Variants in PRKCE observed in about 807,000 individuals in gnomAD.
The protein encoded by PRKCE is protein kinase C epsilon type.
A neutral mutation model predicts 85.4 loss-of-function variants in PRKCE; 16 were observed. The observed-to-expected ratio is 0.19, with a 90% confidence interval of 0.13 to 0.28. PRKCE has a LOEUF of 0.28. PRKCE is among the 10% of genes least tolerant of loss of function. PRKCE has a pLI of 1.00. For missense variants in PRKCE, 573 were observed against 975.2 expected (o/e 0.59, Z 5.49); for synonymous variants, 388 against 371.5 (o/e 1.04, Z -0.51).
At chr2:45,809,602 G>A (rs1353975920) in intron 1 of PRKCE, among the ~76,000 whole-genome samples, 3 of 151,958 alleles carry the variant, frequency 2.0e-5, no homozygotes, top group Non-Finnish European at 2.9e-5. Flanking sequence ...GTCTGGGTAC[G>A]GTCGGGCACG....
At chr2:45,799,082 C>T (rs1321417065) in intron 1 of PRKCE, among the ~76,000 whole-genome samples, 4 of 151,460 alleles carry the variant, frequency 2.6e-5, no homozygotes, top group Non-Finnish European at 4.4e-5. Flanking sequence ...AAGAGAATGG[C>T]GTGAACCAGG....
chr2:45,708,508 A>T (rs1331535087), intron 1 of PRKCE, among the ~76,000 whole-genome samples: 1 of 152,166 alleles, frequency 6.6e-6, no homozygotes, highest in African/African-American at 2.4e-5. Context: ...GTTTCCCTGC[A>T]CAAGCTCTCT....
intron 13 of PRKCE, among the ~76,000 whole-genome samples, chr2:46,156,965 T>A (rs1677270860): frequency 6.6e-6 from 1 of 152,216 alleles, no homozygotes; most frequent in Non-Finnish European, 1.5e-5. Context: ...TTCTTATTTC[T>A]TTTTCTGTGT....
chr2:46,101,590 C>T (rs1244121473), intron 11 of PRKCE, among the ~76,000 whole-genome samples: 1 of 152,202 alleles, frequency 6.6e-6, no homozygotes, highest in Non-Finnish European at 1.5e-5. Context: ...GAATGACTGT[C>T]AAAGCCCTGT....
intron 14 of PRKCE, among the ~76,000 whole-genome samples, chr2:46,181,083 C>G (rs1159999939): frequency 1.3e-5 from 2 of 152,176 alleles, no homozygotes; most frequent in African/African-American, 4.8e-5. Flanking sequence ...TCTCTGAGAG[C>G]CTGCCCCTCA....
At chr2:45,809,954 G>C (rs1266922779) in intron 1 of PRKCE, among the ~76,000 whole-genome samples, 1 of 152,064 alleles carries the variant, frequency 6.6e-6, no homozygotes, top group African/African-American at 2.4e-5. Context: ...GGTCACCTAG[G>C]CTCCTTTATC....
chr2:45,731,792 AT>A (rs1239227809), intron 1 of PRKCE, among the ~76,000 whole-genome samples: 1 of 151,746 alleles, frequency 6.6e-6, no homozygotes, highest in African/African-American at 2.4e-5. Flanking sequence ...CCTGGCTAGA[AT>A]TTTTTGTAGA....
chr2:46,039,918 C>G (rs1708122570), intron 10 of PRKCE, among the ~76,000 whole-genome samples: 1 of 152,192 alleles, frequency 6.6e-6, no homozygotes, highest in Admixed American at 6.5e-5. Context: ...AGATTTATTT[C>G]TCTGCTACTG....
rs147099880 is a variant in PRKCE at position 45,785,485 on chromosome 2, C to T, written c.349-57515C>T. Among the ~76,000 whole-genome samples, 3 of 149,642 alleles carry T rather than the reference C, an allele frequency of 2.0e-5. No homozygotes were observed. In the East Asian group the frequency reaches 5.9e-4, roughly 29 times the overall value. ...CAGCCTGGGTGACAGATGAGACTCC[C>T]TCTCAAAAAAAGAATAAAAAAAAAA... is the stretch of plus-strand genomic sequence containing the variant. On this transcript the variant is annotated intron_variant, in intron 1 of 14. Transcript: ENST00000306156.
chr2:46,013,028 ACT>A (rs1337412105), intron 10 of PRKCE, among the ~76,000 whole-genome samples: 1 of 152,066 alleles, frequency 6.6e-6, no homozygotes, highest in Non-Finnish European at 1.5e-5. Context: ...CTTTGCACCA[ACT>A]CTCTCATGCC....
intron 10 of PRKCE, among the ~76,000 whole-genome samples, chr2:46,062,944 A>G (rs1667290877): frequency 6.6e-6 from 1 of 152,202 alleles, no homozygotes; most frequent in South Asian, 2.1e-4. Context: ...TTATTAATGT[A>G]GGTTTTCCTA....
chr2:45,973,268 G>A (rs533759260), intron 2 of PRKCE, among the ~76,000 whole-genome samples: 1 of 152,200 alleles, frequency 6.6e-6, no homozygotes, highest in Admixed American at 6.5e-5. Flanking sequence ...TTCTCCACCT[G>A]TGGGTGACAG....
rs367628974 is a variant in PRKCE at position 45,661,523 on chromosome 2, G to GTTTTTT, written c.348+9076_348+9081dup. Among the ~76,000 whole-genome samples the GTTTTTT allele has an allele frequency of 5.8e-4, 56 of 96,650 alleles. 4 individuals carry two copies. The highest frequency in any genetic ancestry group is 1.7e-3 in the African/African-American group (44 of 25,832). 63.4% of individuals were successfully genotyped at this position (96,650 alleles called of 152,430 possible). A position where few individuals can be genotyped will look rare whatever the true frequency, so the allele number is the denominator to read the frequency against. ...TTTTTTTTGTTTTGTTTTGTTTTTT[G>GTTTTTT]TTTTTTGTTTTTTTTTTTTTTTTTA... On this transcript the variant is annotated intron_variant, in intron 1 of 14. Transcript: ENST00000306156.
intron 2 of PRKCE, among the ~76,000 whole-genome samples, chr2:45,870,261 C>T (rs1693984271): frequency 6.6e-6 from 1 of 152,168 alleles, no homozygotes; most frequent in Non-Finnish European, 1.5e-5. Flanking sequence ...GAACCCAAGA[C>T]ACAGAGTGCA....
chr2:45,919,147 A>T (rs1698060444), intron 2 of PRKCE, among the ~76,000 whole-genome samples: 1 of 152,180 alleles, frequency 6.6e-6, no homozygotes, highest in African/African-American at 2.4e-5. Context: ...CATCAGGGGT[A>T]GGGAGATGAG....
At chr2:45,858,151 G>A (rs1286067801) in intron 2 of PRKCE, among the ~76,000 whole-genome samples, 1 of 152,206 alleles carries the variant, frequency 6.6e-6, no homozygotes, top group African/African-American at 2.4e-5. Context: ...AATTACAGAT[G>A]TTGCTCAGGC....
At chr2:45,849,631 A>G (rs1460972194) in intron 2 of PRKCE, among the ~76,000 whole-genome samples, 3 of 152,288 alleles carry the variant, frequency 2.0e-5, no homozygotes, top group East Asian at 1.9e-4. Flanking sequence ...GCCTTACGCA[A>G]TAAGATCCTG....
At chr2:45,671,617 C>T (rs62128639) in intron 1 of PRKCE, among the ~76,000 whole-genome samples, 3,172 of 152,236 alleles carry the variant, frequency 0.021, 41 homozygotes, top group Non-Finnish European at 0.032. Context: ...CTTTCTTTCT[C>T]TTAGAGAAGA....
intron 2 of PRKCE, among the ~76,000 whole-genome samples, chr2:45,887,195 G>C (rs1207038560): frequency 6.6e-6 from 1 of 152,174 alleles, no homozygotes; most frequent in East Asian, 1.9e-4. Context: ...TACATGCTTG[G>C]TTGCAGAAAG....
Sources: gnomAD v4.1 joint callset for allele counts (sites outside exome capture counted in the v4.1 genomes callset) on GRCh38, gnomAD v4.1.1 for gene constraint, MANE v1.5 for transcripts, NCBI Gene and HGNC (gene_info 2026-07-23, HGNC 2026-07-21) for gene names.